TMEM135: variants seen among roughly 807,000 people sequenced by gnomAD.
TMEM135 encodes peroxisomal membrane protein 52.
A neutral mutation model predicts 60.3 loss-of-function variants in TMEM135; 30 were observed. The ratio of observed to expected loss-of-function variants is 0.50; its 90% CI spans 0.37 to 0.68. The LOEUF (loss-of-function observed/expected upper bound fraction) is 0.68. TMEM135 is among the 30% of genes least tolerant of loss of function. The probability of loss-of-function intolerance (pLI) is 0.00; values close to 1 mark genes in which losing one functional copy is unlikely to be tolerated. For missense variants in TMEM135, 468 were observed against 548.8 expected (o/e 0.85, Z 1.47); for synonymous variants, 190 against 186.7 (o/e 1.02, Z -0.14).
chr11:87,248,668 T>G (rs558225), intron 6 of TMEM135, among the ~76,000 whole-genome samples: 13,008 of 152,208 alleles, frequency 0.085, 590 homozygotes, highest in Middle Eastern at 0.1. Context: ...ATTGACATTT[T>G]GATCAGATTG....
At chr11:87,096,401 C>T (rs1040101881) in intron 4 of TMEM135, 1 of 152,470 alleles carries the variant, frequency 6.6e-6, no homozygotes, top group African/African-American at 2.4e-5. Flanking sequence ...CCTGGGAACC[C>T]AGTCACGGAG....
intron 6 of TMEM135, among the ~76,000 whole-genome samples, chr11:87,247,265 G>T (rs1941302318): frequency 6.6e-6 from 1 of 152,172 alleles, no homozygotes; most frequent in Non-Finnish European, 1.5e-5. Flanking sequence ...TGCCCCTACT[G>T]GGGGATGTTT....
intron 3 of TMEM135, among the ~76,000 whole-genome samples, chr11:87,078,328 A>G (rs1046749378): frequency 6.6e-6 from 1 of 152,236 alleles, no homozygotes; most frequent in African/African-American, 2.4e-5. Flanking sequence ...ATGACTAATG[A>G]TATTGAGCAT....
intron 3 of TMEM135, among the ~76,000 whole-genome samples, chr11:87,084,566 G>T (rs1857056832): frequency 1.3e-5 from 2 of 152,048 alleles, no homozygotes; most frequent in African/African-American, 4.8e-5. Flanking sequence ...CAAAGTGCTG[G>T]GATTACATGT....
At chr11:87,211,749 C>T (rs1014319430) in intron 5 of TMEM135, among the ~76,000 whole-genome samples, 1 of 152,070 alleles carries the variant, frequency 6.6e-6, no homozygotes, top group Admixed American at 6.6e-5. Context: ...AGAAAAGGCT[C>T]CTGGCTAACA....
At chr11:87,286,943 T>C (rs550456002) in intron 6 of TMEM135, among the ~76,000 whole-genome samples, 10 of 152,344 alleles carry the variant, frequency 6.6e-5, no homozygotes, top group African/African-American at 2.4e-4. Flanking sequence ...TAAAATAATG[T>C]AACTTTTAAT....
chr11:87,157,466 T>C (rs958420411), intron 5 of TMEM135, 60 bp downstream of exon 5: 5 of 1,394,812 alleles, frequency 3.6e-6, no homozygotes, highest in Non-Finnish European at 5.1e-6. Context: ...GATTTTAAAA[T>C]ATAAAATGTG....
At chr11:87,071,694 C>A in intron 3 of TMEM135, 79 bp downstream of exon 3, 1 of 943,914 alleles carries the variant, frequency 1.1e-6, no homozygotes, top group Non-Finnish European at 1.6e-6. Flanking sequence ...TTTTAATTAT[C>A]ACTTACAGGG....
chr11:87,101,724 C>T (rs1857460618), intron 4 of TMEM135, among the ~76,000 whole-genome samples: 1 of 152,132 alleles, frequency 6.6e-6, no homozygotes, highest in Non-Finnish European at 1.5e-5. Flanking sequence ...CCTATAATCC[C>T]AGCACTTTGG....
intron 1 of TMEM135, among the ~76,000 whole-genome samples, chr11:87,056,117 TA>T (rs1254556567): frequency 2.0e-5 from 3 of 152,208 alleles, no homozygotes; most frequent in Admixed American, 2.0e-4. Context: ...TTAATTGCTA[TA>T]TTTTGCAAGA....
chr11:87,084,206 T>C (rs1274796188), intron 3 of TMEM135, among the ~76,000 whole-genome samples: 2 of 152,226 alleles, frequency 1.3e-5, no homozygotes, highest in African/African-American at 4.8e-5. Context: ...CAGCAGGATG[T>C]GTGGATACTT....
intron 6 of TMEM135, chr11:87,258,829 T>A: frequency 2.9e-6 from 2 of 690,244 alleles, no homozygotes; most frequent in Non-Finnish European, 5.2e-6. Flanking sequence ...CGGAGACAGC[T>A]CATATACGGC....
chr11:87,071,082 G>A (rs1220745148), intron 2 of TMEM135, among the ~76,000 whole-genome samples: 1 of 152,198 alleles, frequency 6.6e-6, no homozygotes, highest in South Asian at 2.1e-4. Flanking sequence ...TCCAGGGAAT[G>A]CCTGAATGAA....
In TMEM135 at chr11:87,322,541, T is replaced by C. The variant is rs1050523103; in HGVS notation, c.*1208T>C. Reference sequence around the variant, plus strand: ...AGGGAAAAGTTATACTTTTCTATGTTAATAAAGAGCTGAAGTGGTCTACAG... The same window carrying C: ...AGGGAAAAGTTATACTTTTCTATGTCAATAAAGAGCTGAAGTGGTCTACAG... On this transcript the variant is annotated 3_prime_UTR_variant, in exon 15 of 15. Transcript: ENST00000305494. The C allele has an allele frequency of 2.2e-6, 1 of 453,890 alleles. No homozygotes were observed. The highest frequency in any genetic ancestry group is 2.0e-5 in the African/African-American group (1 of 49,996). The allele number at this position is 453,890 out of a possible 1,614,324, so 28.1% of individuals were successfully genotyped here.
chr11:87,274,090 A>C (rs1342831093), intron 6 of TMEM135, among the ~76,000 whole-genome samples: 1 of 152,126 alleles, frequency 6.6e-6, no homozygotes, highest in African/African-American at 2.4e-5. Flanking sequence ...CATCCTTTAG[A>C]GTGGGTTGAG....
intron 3 of TMEM135, among the ~76,000 whole-genome samples, chr11:87,075,868 C>G (rs960842069): frequency 1.4e-5 from 2 of 141,282 alleles, no homozygotes; most frequent in African/African-American, 5.5e-5. Context: ...TTTTCCCTTA[C>G]TTTCTCCTAA....
chr11:87,257,664 G>A (rs1941556004), intron 6 of TMEM135, among the ~76,000 whole-genome samples: 1 of 152,138 alleles, frequency 6.6e-6, no homozygotes, highest in South Asian at 2.1e-4. Context: ...TATCAAAAAT[G>A]TCCAGAATAG....
chr11:87,300,280 A>G (rs1590856699), intron 7 of TMEM135, among the ~76,000 whole-genome samples: 1 of 152,204 alleles, frequency 6.6e-6, no homozygotes. Context: ...TGATTTGAAA[A>G]TTATCTGTGT....
At chr11:87,247,277 C>A (rs1433672331) in intron 6 of TMEM135, among the ~76,000 whole-genome samples, 1 of 152,170 alleles carries the variant, frequency 6.6e-6, no homozygotes, top group Non-Finnish European at 1.5e-5. Context: ...GGGATGTTTC[C>A]CAGTTAGGCT....
Sources: allele counts gnomAD v4.1 joint callset (sites outside exome capture counted in the v4.1 genomes callset), GRCh38; gene constraint gnomAD v4.1.1; transcripts MANE v1.5; gene names NCBI Gene and HGNC (gene_info 2026-07-23, HGNC 2026-07-21).